NHERF2: variants seen among roughly 807,000 people sequenced by gnomAD.
NHERF2 encodes the protein Na(+)/H(+) exchange regulatory cofactor NHE-RF2.
chr16:2,027,287 G>GTCGCACGGGGGCCCGAGGGGGC, the NHERF2 span: 4 of 994,404 alleles, frequency 4.0e-6, no homozygotes, highest in Admixed American at 4.4e-5. Context: ...GCGAGCAGGG[G>GTCGCACGGGGGCCCGAGGGGGC]TCGCACGGGG....
At chr16:2,038,134 G>C in the NHERF2 span, 1 of 958,972 alleles carries the variant, frequency 1.0e-6, no homozygotes, top group Non-Finnish European at 1.5e-6. Context: ...CCCCCATCCT[G>C]CCCCTGCCCA....
the NHERF2 span, among the ~76,000 whole-genome samples, chr16:2,029,080 A>G: frequency 2.6e-5 from 4 of 152,294 alleles, no homozygotes; most frequent in East Asian, 5.8e-4. Context: ...AGACTCCCAC[A>G]CTGCACGGCA....
chr16:2,036,492 C>T, the NHERF2 span: 73 of 1,590,402 alleles, frequency 4.6e-5, no homozygotes, highest in South Asian at 6.2e-4. Context: ...CGCCCAGGAC[C>T]GGCTCATTGA....
the NHERF2 span, chr16:2,036,469 G>A: frequency 1.8e-4 from 292 of 1,600,760 alleles, no homozygotes; most frequent in East Asian, 2.3e-3. Context: ...CCTGCCGCCC[G>A]CTCTGGCCTC....
At chr16:2,036,450 C>T in the NHERF2 span, 4 of 1,604,034 alleles carry the variant, frequency 2.5e-6, no homozygotes, top group Non-Finnish European at 3.4e-6. Context: ...CTCTGTGGAC[C>T]CGGGCTCACC....
the NHERF2 span, among the ~76,000 whole-genome samples, chr16:2,030,696 C>T: frequency 6.0e-5 from 9 of 149,368 alleles, no homozygotes; most frequent in East Asian, 2.0e-4. Context: ...CCCAACACTT[C>T]GGGAGGCTGA....
chr16:2,037,780 G>C, the NHERF2 span: 4 of 1,554,336 alleles, frequency 2.6e-6, no homozygotes, highest in Non-Finnish European at 3.5e-6. Flanking sequence ...CTGGGGTGTG[G>C]GACTAGGGCT....
chr16:2,031,450 G>A, the NHERF2 span, among the ~76,000 whole-genome samples: 4 of 152,216 alleles, frequency 2.6e-5, no homozygotes, highest in African/African-American at 9.6e-5. Flanking sequence ...ACAAACGCAT[G>A]GTTCACCTTC....
chr16:2,033,129 G>A, the NHERF2 span: 1 of 1,405,136 alleles, frequency 7.1e-7, no homozygotes, highest in Non-Finnish European at 9.3e-7. Flanking sequence ...TCTTGGGACG[G>A]AAGCCTAGCT....
the NHERF2 span, chr16:2,035,301 G>C: frequency 5.8e-6 from 4 of 687,590 alleles, no homozygotes; most frequent in African/African-American, 7.9e-5. Flanking sequence ...GAGCGAGCTT[G>C]AAGGTGGGTG....
the NHERF2 span, chr16:2,033,403 C>G: frequency 6.5e-7 from 1 of 1,533,360 alleles, no homozygotes; most frequent in African/African-American, 1.4e-5. Context: ...GGGAGCCCCT[C>G]CACGGAGCCC....
the NHERF2 span, chr16:2,037,848 A>G: frequency 6.3e-7 from 1 of 1,596,008 alleles, no homozygotes; most frequent in East Asian, 2.3e-5. Context: ...TGGAAGCAAG[A>G]TCCCTTCCAG....
the NHERF2 span, chr16:2,033,391 C>G: frequency 1.3e-6 from 2 of 1,533,222 alleles, no homozygotes; most frequent in Non-Finnish European, 1.7e-6. Context: ...TGCCCGGGCT[C>G]CGGGAGCCCC....
the NHERF2 span, chr16:2,036,784 G>A: frequency 6.2e-7 from 1 of 1,613,526 alleles, no homozygotes; most frequent in Non-Finnish European, 8.5e-7. Flanking sequence ...CCAGCATCAA[G>A]GCACGGGAGG....
At chr16:2,032,021 T>TC in the NHERF2 span, among the ~76,000 whole-genome samples, 6 of 145,274 alleles carry the variant, frequency 4.1e-5, no homozygotes, top group East Asian at 5.9e-4. The surrounding 1 kb of genome is among the most constrained non-coding windows in gnomAD (Gnocchi z 4.0). Flanking sequence ...TTTCTTTCTT[T>TC]CTTTTTTTTT....
chr16:2,035,326 G>T, the NHERF2 span: 22 of 867,384 alleles, frequency 2.5e-5, no homozygotes, highest in Non-Finnish European at 3.0e-5. Flanking sequence ...GAGGGGTTGG[G>T]GGTGTCTGAG....
the NHERF2 span, chr16:2,033,198 TCCCCAGAGTGAC>T: frequency 6.8e-7 from 1 of 1,464,676 alleles, no homozygotes; most frequent in South Asian, 1.4e-5. Context: ...ATCACCCTGC[TCCCCAGAGTGAC>T]TCAGCCCCCA....
chr16:2,034,809 T>A, the NHERF2 span, among the ~76,000 whole-genome samples: 1 of 150,374 alleles, frequency 6.7e-6, no homozygotes, highest in African/African-American at 2.4e-5. Context: ...TGGACTCCTG[T>A]CCCCACGCCT....
At chr16:2,037,501 G>C in the NHERF2 span, 1 of 1,570,966 alleles carries the variant, frequency 6.4e-7, no homozygotes, top group Non-Finnish European at 8.7e-7. Flanking sequence ...GGTGTTGTGT[G>C]TGTCTGTGAA....
Sources: allele counts gnomAD v4.1 joint callset (sites outside exome capture counted in the v4.1 genomes callset), GRCh38; gene constraint gnomAD v4.1.1; non-coding constraint Gnocchi (gnomAD v3.1); transcripts MANE v1.5; gene names NCBI Gene and HGNC (gene_info 2026-07-23, HGNC 2026-07-21).